The following CAMK1D variants were observed in gnomAD, a reference collection of about 807,000 sequenced individuals.
CAMK1D encodes the protein calcium/calmodulin-dependent protein kinase type 1D.
A neutral mutation model predicts 47.7 loss-of-function variants in CAMK1D; 9 were observed. The ratio of observed to expected loss-of-function variants is 0.19; its 90% confidence interval spans 0.11 to 0.33. The LOEUF (loss-of-function observed/expected upper bound fraction) is 0.33. Ranked by LOEUF, CAMK1D falls within the 10% of genes least tolerant of loss-of-function variation. The probability of loss-of-function intolerance (pLI) is 1.00; values close to 1 mark genes in which losing one functional copy is unlikely to be tolerated. For synonymous variants in CAMK1D, 184 were observed against 184.9 expected (o/e 0.99, Z 0.04); for missense variants, 291 against 488.7 (o/e 0.60, Z 3.81).
intron 3 of CAMK1D, among the ~76,000 whole-genome samples, chr10:12,723,921 C>A (rs908530202): frequency 6.6e-6 from 1 of 152,162 alleles, no homozygotes; most frequent in Non-Finnish European, 1.5e-5. Context: ...CCCCCTACCC[C>A]ACAACAGGCC....
intron 2 of CAMK1D, among the ~76,000 whole-genome samples, chr10:12,603,594 C>T (rs867095493): frequency 1.3e-5 from 2 of 152,164 alleles, no homozygotes; most frequent in Admixed American, 1.3e-4. Context: ...GTTGAGAACA[C>T]GGCTCCAGGA....
intron 1 of CAMK1D, among the ~76,000 whole-genome samples, chr10:12,374,088 C>T (rs1373535771): frequency 2.0e-5 from 3 of 151,032 alleles, no homozygotes; most frequent in African/African-American, 4.9e-5. Context: ...GGTGAAACCC[C>T]GTCTCTACTA....
intron 3 of CAMK1D, among the ~76,000 whole-genome samples, chr10:12,693,990 CATATAATAT>C (rs1564497717): frequency 2.1e-5 from 1 of 46,888 alleles, no homozygotes; most frequent in Non-Finnish European, 3.7e-5. Flanking sequence ...ATTATATATA[CATATAATAT>C]ATATAATATA....
chr10:12,674,968 T>G (rs1455238934), intron 3 of CAMK1D, among the ~76,000 whole-genome samples: 1 of 148,892 alleles, frequency 6.7e-6, no homozygotes, highest in African/African-American at 2.5e-5. Flanking sequence ...GAGGTGGAGG[T>G]TGCAGTAAGC....
rs868147302 is a variant in CAMK1D, at chr10:12,577,028, C to T, written c.224+23672C>T. The stretch of plus-strand genomic sequence containing the variant: ...TGGAACCAGTTCCAGAACACTTTCA[C>T]GTGCATCTTGGTTTCTAGCACGGAC... On this transcript the variant is annotated intron_variant, in intron 2 of 10. Transcript: ENST00000619168. Among the ~76,000 whole-genome samples, 49 of 152,328 alleles carry T rather than the reference C, an allele frequency of 3.2e-4. 1 individual carries two copies. Among genetic ancestry groups the T allele is most frequent in the Admixed American group, 2.0e-4 (3 of 15,300 alleles).
In CAMK1D at chr10:12,564,867, G is replaced by A. The variant is rs565177358; in HGVS notation, c.224+11511G>A. Among the ~76,000 whole-genome samples the A allele has an allele frequency of 2.0e-5, 3 of 152,294 alleles. No homozygotes were observed. The South Asian group carries it at 6.2e-4, about 32-fold the overall frequency. ...GACCTAAGTATACACACATGTAAATGTACTATATGTAGGTGTGTAAATAAA... is the reference window on the plus strand; with the variant it reads ...GACCTAAGTATACACACATGTAAATATACTATATGTAGGTGTGTAAATAAA... On this transcript the variant is annotated intron_variant, in intron 2 of 10. Coordinates refer to ENST00000619168, the MANE Select transcript of CAMK1D (RefSeq NM_153498.4).
chr10:12,660,784 T>G (rs772853152), intron 2 of CAMK1D, among the ~76,000 whole-genome samples: 2 of 152,252 alleles, frequency 1.3e-5, no homozygotes, highest in Admixed American at 6.5e-5. Flanking sequence ...TTTTATCACC[T>G]GAAGTTGTTT....
At chr10:12,440,339 C>T (rs1331069045) in intron 1 of CAMK1D, among the ~76,000 whole-genome samples, 2 of 147,734 alleles carry the variant, frequency 1.4e-5, no homozygotes, top group Non-Finnish European at 3.0e-5. Flanking sequence ...GGCTGGAATG[C>T]AGTGGCATGA....
chr10:12,751,086 GATAAGAT>G lies in CAMK1D; in HGVS notation c.300-9860_300-9854del, dbSNP rs1564535425. Among the ~76,000 whole-genome samples, 67 of 83,996 alleles carry G rather than the reference GATAAGAT, an allele frequency of 8.0e-4. 1 individual carries two copies. The East Asian group carries it at 0.025, about 32-fold the overall frequency. The allele number at this position is 83,996 out of a possible 152,430, so 55.1% of individuals were successfully genotyped here. ...GATAAGATAAGATAAGATAAGATAA[GATAAGAT>G]AAGATAAGATAAGATAAGATAAGAT... On this transcript the variant is annotated intron_variant, in intron 3 of 10. Coordinates refer to ENST00000619168, the MANE Select transcript of CAMK1D (RefSeq NM_153498.4).
At chr10:12,697,773 C>T (rs898906726) in intron 3 of CAMK1D, among the ~76,000 whole-genome samples, 1 of 152,138 alleles carries the variant, frequency 6.6e-6, no homozygotes, top group East Asian at 1.9e-4. Context: ...TGCATTTCAC[C>T]GAAGTTCCCG....
chr10:12,468,018 G>A (rs1833641759), intron 1 of CAMK1D, among the ~76,000 whole-genome samples: 2 of 152,190 alleles, frequency 1.3e-5, no homozygotes, highest in Admixed American at 1.3e-4. Flanking sequence ...TATAGTTCAT[G>A]TCATTCATAC....
chr10:12,807,866 G>A (rs1043134059), intron 6 of CAMK1D, among the ~76,000 whole-genome samples: 4 of 152,196 alleles, frequency 2.6e-5, no homozygotes, highest in East Asian at 1.9e-4. Context: ...ACTCAAACCC[G>A]CCACATCTCT....
chr10:12,633,465 C>T (rs898273983), intron 2 of CAMK1D, among the ~76,000 whole-genome samples: 8 of 152,136 alleles, frequency 5.3e-5, no homozygotes, highest in East Asian at 3.9e-4. Flanking sequence ...GGGCATGATG[C>T]GCTTATTAAC....
chr10:12,471,389 C>A (rs1833742042), intron 1 of CAMK1D, among the ~76,000 whole-genome samples: 1 of 152,200 alleles, frequency 6.6e-6, no homozygotes, highest in African/African-American at 2.4e-5. Context: ...GCACCTCGTT[C>A]AAGGTGGTGA....
intron 1 of CAMK1D, among the ~76,000 whole-genome samples, chr10:12,483,670 A>C (rs906916600): frequency 1.3e-5 from 2 of 151,812 alleles, no homozygotes; most frequent in African/African-American, 4.8e-5. Context: ...GGCCTCTAAA[A>C]AAAGAGATCC....
intron 1 of CAMK1D, among the ~76,000 whole-genome samples, chr10:12,504,872 C>G (rs144852545): frequency 9.8e-5 from 15 of 152,360 alleles, no homozygotes; most frequent in African/African-American, 3.6e-4. Context: ...ACCCCTTCCT[C>G]TGCTTTCTTG....
At chr10:12,782,507 T>TAG (rs1277402782) in intron 5 of CAMK1D, among the ~76,000 whole-genome samples, 1 of 152,218 alleles carries the variant, frequency 6.6e-6, no homozygotes, top group African/African-American at 2.4e-5. Context: ...CACTGCTGGG[T>TAG]AGAAATGTCA....
chr10:12,487,132 T>C (rs2132111442), intron 1 of CAMK1D, among the ~76,000 whole-genome samples: 1 of 152,318 alleles, frequency 6.6e-6, no homozygotes, highest in East Asian at 1.9e-4. Context: ...CTAAGCCTAG[T>C]AACCAATAGT....
chr10:12,824,591 C>T (rs763045698), intron 9 of CAMK1D, 39 bp downstream of exon 9: 1 of 1,478,736 alleles, frequency 6.8e-7, no homozygotes, highest in East Asian at 2.3e-5. Context: ...TGGATTAACC[C>T]CCTCGTGACA....
Sources: allele counts gnomAD v4.1 joint callset (sites outside exome capture counted in the v4.1 genomes callset), GRCh38; gene constraint gnomAD v4.1.1; transcripts MANE v1.5; gene names NCBI Gene and HGNC (gene_info 2026-07-23, HGNC 2026-07-21).